HHIPL1: variants seen among roughly 807,000 people sequenced by gnomAD.
HHIPL1 encodes the protein HHIP like 1, also known as HHIP-like protein 1.
Under a neutral mutation model 61.8 loss-of-function variants are expected in HHIPL1, and 43 were observed. The observed-to-expected ratio is 0.70, with a 90% confidence interval of 0.55 to 0.90. The LOEUF is 0.90. Ranked by LOEUF, HHIPL1 falls within the 40% of genes least tolerant of loss-of-function variation. HHIPL1 has a pLI of 0.00. For missense variants in HHIPL1, 1,056 were observed against 1,157.7 expected (o/e 0.91, Z 1.28); for synonymous variants, 482 against 515.8 (o/e 0.93, Z 0.89).
chr14:99,645,066 G>A, upstream of HHIPL1: 2 of 660,062 alleles, frequency 3.0e-6, no homozygotes, highest in Non-Finnish European at 4.3e-6. Flanking sequence ...GACCAGAGGT[G>A]ACCTCCTAGA....
At position 99,678,641 on chromosome 14, in the gene HHIPL1, G is replaced by A. The variant is rs915541792; in HGVS notation, c.*3015G>A. On this transcript the variant is annotated 3_prime_UTR_variant, in exon 9 of 9. Transcript: ENST00000330710. ...TAAAGGAAAAGAGGAAGTTGCTTAC[G>A]AAAGGACTTAGAAAAGTAATAATAT... 1.1e-4 allele frequency: 17 copies of A among 152,242 alleles called. No individual in the cohort carries two copies. The highest frequency in any genetic ancestry group is 3.6e-4 in the African/African-American group (15 of 41,470). The allele number at this position is 152,242 out of a possible 1,614,324, so 9.4% of individuals were successfully genotyped here. A position where few individuals can be genotyped will look rare whatever the true frequency, so the allele number is the denominator to read the frequency against.
chr14:99,675,068 C>T lies in HHIPL1; in HGVS notation c.1814-23C>T. The T allele has an allele frequency of 2.6e-6, 3 of 1,132,410 alleles. No individual in the cohort carries two copies. Among genetic ancestry groups the T allele is most frequent in the Non-Finnish European group, 3.3e-6 (3 of 911,976 alleles). 70.1% of individuals were successfully genotyped at this position (1,132,410 alleles called of 1,614,324 possible). On this transcript the variant is annotated intron_variant, in intron 8 of 8. Transcript: ENST00000330710. This position sits in a 1 kb window ranked among gnomAD's most constrained non-coding sequence, Gnocchi z 5.4. ...GACAGGGGCGCCTGGGTCCCTCTGA[C>T]GGCATACTCTTCCTCTGCGCAGAGT...
chr14:99,639,882 G>A, the HHIPL1 span, among the ~76,000 whole-genome samples: 1 of 152,030 alleles, frequency 6.6e-6, no homozygotes, highest in South Asian at 2.1e-4. Context: ...GGCTGGTCTC[G>A]AACTCCTGAC....
chr14:99,669,010 C>G, intron 7 of HHIPL1: 2 of 1,525,640 alleles, frequency 1.3e-6, no homozygotes, highest in South Asian at 2.4e-5. Flanking sequence ...CTGCCCTAAC[C>G]CCTTGGCTGT....
At chr14:99,665,667 TC>T (rs2056232417) in intron 6 of HHIPL1, among the ~76,000 whole-genome samples, 1 of 152,224 alleles carries the variant, frequency 6.6e-6, no homozygotes, top group Non-Finnish European at 1.5e-5. Flanking sequence ...ACTCCTGGGC[TC>T]AAGTGATCCC....
the HHIPL1 span, among the ~76,000 whole-genome samples, chr14:99,632,702 C>T: frequency 0.018 from 2,801 of 152,268 alleles, 45 homozygotes; most frequent in Non-Finnish European, 0.031. Context: ...CTGCCTCCTG[C>T]GCTGTGCTGT....
intron 1 of HHIPL1, among the ~76,000 whole-genome samples, chr14:99,646,424 G>C (rs1018354437): frequency 6.6e-6 from 1 of 152,254 alleles, no homozygotes; most frequent in Admixed American, 6.5e-5. Flanking sequence ...TTTGATCCTG[G>C]CTCTGTCACT....
chr14:99,654,571 AG>A (rs1407300624), intron 2 of HHIPL1, among the ~76,000 whole-genome samples: 1 of 152,160 alleles, frequency 6.6e-6, no homozygotes, highest in East Asian at 1.9e-4. Context: ...AGTAGAGAGG[AG>A]GTAGGGGGAG....
At chr14:99,620,619 G>T in the HHIPL1 span, among the ~76,000 whole-genome samples, 2 of 152,266 alleles carry the variant, frequency 1.3e-5, no homozygotes, top group Non-Finnish European at 1.5e-5. Flanking sequence ...GGCGGGTCAG[G>T]AGCAGTGAGG....
intron 8 of HHIPL1, among the ~76,000 whole-genome samples, chr14:99,673,231 G>T (rs1402476886): frequency 6.6e-6 from 1 of 152,002 alleles, no homozygotes; most frequent in African/African-American, 2.4e-5. Context: ...GGTAGAGGGG[G>T]AAGGGTCTGA....
chr14:99,669,291 C>G (rs2056299993), intron 7 of HHIPL1: 1 of 1,034,320 alleles, frequency 9.7e-7, no homozygotes, highest in Non-Finnish European at 1.2e-6. Context: ...GCTTCTCAGC[C>G]CTTAGATTTT....
Position 99,659,605 on chromosome 14 carries a change from G to C in HHIPL1, c.1224G>C (p.Ser408=), listed in dbSNP as rs368769913. Residue 408 remains serine (S), a synonymous_variant, in exon 4 of 9, where the codon TCG becomes TCC. Coordinates refer to ENST00000330710, the MANE Select transcript of HHIPL1 (RefSeq NM_001127258.3). ...CCTTCGACCGTGGCGACCCCTCCTC[G>C]GGCACTGGCCGCGGGCGCCTCTTCT... is the stretch of plus-strand genomic sequence containing the variant. The part of the protein sequence containing the change: ...RCSFDRGDPS[S]GTGRGRLFCG... 1 of 1,550,128 alleles carries C rather than the reference G, an allele frequency of 6.5e-7. No individual in the cohort carries two copies. The highest frequency in any genetic ancestry group is 8.7e-7 in the Non-Finnish European group (1 of 1,151,074).
At chr14:99,667,392 CA>C (rs2056262836) in intron 6 of HHIPL1, among the ~76,000 whole-genome samples, 1 of 151,802 alleles carries the variant, frequency 6.6e-6, no homozygotes, top group African/African-American at 2.4e-5. Context: ...CCCCTGGCAG[CA>C]GGGGTTGGGA....
the HHIPL1 span, among the ~76,000 whole-genome samples, chr14:99,626,266 G>A: frequency 6.7e-6 from 1 of 149,628 alleles, no homozygotes; most frequent in Non-Finnish European, 1.5e-5. Flanking sequence ...GGGTGTAGCG[G>A]GGTGTGTGTG....
the HHIPL1 span, among the ~76,000 whole-genome samples, chr14:99,636,973 A>G: frequency 2.0e-5 from 3 of 149,084 alleles, no homozygotes; most frequent in African/African-American, 7.5e-5. Flanking sequence ...CTGCTGAAAA[A>G]AAAAAAGGAA....
chr14:99,659,191 A>C (rs1273418167), intron 3 of HHIPL1, among the ~76,000 whole-genome samples: 3 of 152,240 alleles, frequency 2.0e-5, no homozygotes, highest in Admixed American at 2.0e-4. Context: ...TGTTGTGTCC[A>C]ACGCATGGGA....
At chr14:99,650,537 TG>T (rs2140056857) in intron 1 of HHIPL1, among the ~76,000 whole-genome samples, 1 of 152,274 alleles carries the variant, frequency 6.6e-6, no homozygotes, top group South Asian at 2.1e-4. Context: ...GACACTTAAC[TG>T]GCGTTGGGGA....
chr14:99,611,287 C>G, the HHIPL1 span, among the ~76,000 whole-genome samples: 1 of 150,744 alleles, frequency 6.6e-6, no homozygotes, highest in Non-Finnish European at 1.5e-5. Flanking sequence ...GCTCTCACCA[C>G]CTGTAATTTT....
chr14:99,640,243 G>A (rs2055733696), upstream of HHIPL1, among the ~76,000 whole-genome samples: 1 of 152,072 alleles, frequency 6.6e-6, no homozygotes, highest in Non-Finnish European at 1.5e-5. Context: ...GCTAGAGTAT[G>A]CAACACATAT....
Sources: allele counts gnomAD v4.1 joint callset (sites outside exome capture counted in the v4.1 genomes callset), GRCh38; gene constraint gnomAD v4.1.1; non-coding constraint Gnocchi (gnomAD v3.1); transcripts MANE v1.5; gene names NCBI Gene and HGNC (gene_info 2026-07-23, HGNC 2026-07-21).